KIAA1549L: variants seen among roughly 807,000 people sequenced by gnomAD.
The protein encoded by KIAA1549L is UPF0606 protein KIAA1549L.
Under a neutral mutation model 160.7 loss-of-function variants are expected in KIAA1549L, and 88 were observed. That is an observed-to-expected ratio of 0.55 (90% CI 0.46 to 0.65). KIAA1549L has a LOEUF of 0.65. KIAA1549L is among the 30% of genes least tolerant of loss of function. The probability of loss-of-function intolerance (pLI) is 0.00; values close to 1 mark genes in which losing one functional copy is unlikely to be tolerated. For synonymous variants in KIAA1549L, 950 were observed against 976.7 expected (o/e 0.97, Z 0.51); for missense variants, 2,258 against 2,437.5 (o/e 0.93, Z 1.55).
intron 1 of KIAA1549L, among the ~76,000 whole-genome samples, chr11:33,446,718 A>G (rs973997966): frequency 2.0e-5 from 3 of 151,976 alleles, no homozygotes; most frequent in Admixed American, 6.6e-5. Context: ...AAGATGGCTC[A>G]CTCATATGAC....
intron 1 of KIAA1549L, among the ~76,000 whole-genome samples, chr11:33,465,681 A>T (rs940984594): frequency 6.6e-6 from 1 of 152,216 alleles, no homozygotes; most frequent in Non-Finnish European, 1.5e-5. Context: ...GGCCTCAGAA[A>T]TAACACCACA....
chr11:33,417,661 T>G (rs1850915574), intron 1 of KIAA1549L, among the ~76,000 whole-genome samples: 2 of 152,200 alleles, frequency 1.3e-5, no homozygotes, highest in African/African-American at 4.8e-5. Flanking sequence ...ATCCTCGGGT[T>G]TCTGCTCAAA....
At chr11:33,389,322 G>C (rs1850229846) in intron 1 of KIAA1549L, among the ~76,000 whole-genome samples, 1 of 152,256 alleles carries the variant, frequency 6.6e-6, no homozygotes, top group South Asian at 2.1e-4. Flanking sequence ...AAAATGGGAA[G>C]TGTGAGAAGA....
Position 33,514,402 on chromosome 11 carries a change from G to T in KIAA1549L, c.239-27400G>T, listed in dbSNP as rs141203448. 3.0e-4 allele frequency among the ~76,000 whole-genome samples: 46 copies of T among 152,294 alleles called. No homozygotes were observed. The East Asian group carries it at 8.3e-3, about 27-fold the overall frequency. Reference sequence around the variant, plus strand: ...CACATTCTTTTTTGACGTCTACACTGACTCATGCTTGGTGACATCTCCACA... The same window carrying T: ...CACATTCTTTTTTGACGTCTACACTTACTCATGCTTGGTGACATCTCCACA... On this transcript the variant is annotated intron_variant, in intron 1 of 20. Transcript: ENST00000658780.
In KIAA1549L at chr11:33,435,840, A is replaced by ATATG. The variant is rs1180628815; in HGVS notation, c.238+58953_238+58956dup. On this transcript the variant is annotated intron_variant, in intron 1 of 20. Transcript: ENST00000658780. ...TGTGTATATATATATATGTATATGT[A>ATATG]TATGTGTGTGTGTGTGTGTGTGTAT... Among the ~76,000 whole-genome samples, 5 of 64,198 alleles carry ATATG rather than the reference A, an allele frequency of 7.8e-5. 2 individuals are homozygous for ATATG. Among genetic ancestry groups the ATATG allele is most frequent in the South Asian group, 5.0e-4 (1 of 1,984 alleles). 42.1% of individuals were successfully genotyped at this position (64,198 alleles called of 152,430 possible). A position where few individuals can be genotyped will look rare whatever the true frequency, so the allele number is the denominator to read the frequency against.
intron 8 of KIAA1549L, among the ~76,000 whole-genome samples, chr11:33,563,190 CA>C (rs1014766665): frequency 5.4e-5 from 8 of 149,416 alleles, no homozygotes; most frequent in Admixed American, 1.3e-4. Context: ...AGTAAAAATA[CA>C]AAAAAAAATT....
rs897706652 is a variant in KIAA1549L at position 33,407,645 on chromosome 11, T to A, written c.238+30756T>A. 9.2e-5 allele frequency among the ~76,000 whole-genome samples: 14 copies of A among 152,124 alleles called. No individual in the cohort carries two copies. In the East Asian group the frequency reaches 2.7e-3, roughly 29 times the overall value. On this transcript the variant is annotated intron_variant, in intron 1 of 20. Coordinates refer to ENST00000658780, the MANE Select transcript of KIAA1549L (RefSeq NM_012194.3). ...ATTATAGGCCTGAGCCACCGTGCCC[T>A]GCCCTAATCCTTTTAATTCCTTCAA...
At chr11:33,548,849 A>T (rs571516556) in intron 4 of KIAA1549L, among the ~76,000 whole-genome samples, 129 of 151,540 alleles carry the variant, frequency 8.5e-4, no homozygotes, top group African/African-American at 3.0e-3. Context: ...CTACAGCTGC[A>T]GTCAGCTTAC....
intron 1 of KIAA1549L, among the ~76,000 whole-genome samples, chr11:33,392,470 T>C (rs1850289795): frequency 6.6e-6 from 1 of 152,154 alleles, no homozygotes; most frequent in Non-Finnish European, 1.5e-5. Flanking sequence ...TTTTCTGAGG[T>C]AAATTTTACA....
intron 1 of KIAA1549L, among the ~76,000 whole-genome samples, chr11:33,435,794 A>ATGTGTGTGTGTGTG (rs1447364209): frequency 6.2e-5 from 2 of 32,354 alleles, no homozygotes; most frequent in East Asian, 1.2e-3. Flanking sequence ...ATATATATAT[A>ATGTGTGTGTGTGTG]TATATATATA....
At chr11:33,625,717 A>C (rs980123571) in intron 16 of KIAA1549L, among the ~76,000 whole-genome samples, 7 of 151,638 alleles carry the variant, frequency 4.6e-5, no homozygotes, top group Non-Finnish European at 8.8e-5. Flanking sequence ...TTGCCTGTTC[A>C]CTCTGATGGT....
intron 1 of KIAA1549L, among the ~76,000 whole-genome samples, chr11:33,532,397 T>A (rs1379729707): frequency 6.6e-6 from 1 of 152,180 alleles, no homozygotes; most frequent in Non-Finnish European, 1.5e-5. Context: ...ATGATAATAA[T>A]AACAGCAACA....
chr11:33,428,635 C>CT (rs1463088028), intron 1 of KIAA1549L, among the ~76,000 whole-genome samples: 3 of 152,112 alleles, frequency 2.0e-5, no homozygotes, highest in Non-Finnish European at 4.4e-5. Context: ...TTAACTCATC[C>CT]TTTTTTATGG....
intron 1 of KIAA1549L, among the ~76,000 whole-genome samples, chr11:33,504,075 A>T (rs1016304337): frequency 6.6e-6 from 1 of 152,092 alleles, no homozygotes; most frequent in East Asian, 1.9e-4. Context: ...GCCTGGCCAA[A>T]ATGGTGAAAC....
intron 16 of KIAA1549L, among the ~76,000 whole-genome samples, chr11:33,618,983 C>T (rs942997614): frequency 4.6e-5 from 7 of 152,130 alleles, no homozygotes; most frequent in African/African-American, 1.4e-4. Context: ...GCAGGGACCA[C>T]GGCCATGGGT....
At chr11:33,568,500 A>G (rs888456550) in intron 9 of KIAA1549L, among the ~76,000 whole-genome samples, 16 of 152,350 alleles carry the variant, frequency 1.1e-4, no homozygotes, top group Admixed American at 2.6e-4. Flanking sequence ...ACTCATGCAG[A>G]TATTTTTGAA....
intron 1 of KIAA1549L, among the ~76,000 whole-genome samples, chr11:33,515,859 C>G (rs1000393085): frequency 6.6e-6 from 1 of 152,174 alleles, no homozygotes; most frequent in Non-Finnish European, 1.5e-5. Flanking sequence ...AGGGAATCCT[C>G]TAGTTCTGGT....
At chr11:33,495,436 T>C (rs529908772) in intron 1 of KIAA1549L, among the ~76,000 whole-genome samples, 1 of 152,150 alleles carries the variant, frequency 6.6e-6, no homozygotes, top group African/African-American at 2.4e-5. Flanking sequence ...TTCATCCATG[T>C]CCCTACAAAG....
intron 1 of KIAA1549L, among the ~76,000 whole-genome samples, chr11:33,392,485 A>G (rs1850290095): frequency 6.6e-6 from 1 of 152,198 alleles, no homozygotes; most frequent in Admixed American, 6.5e-5. Context: ...TTTACATACA[A>G]TGAAATACAA....
Sources: gnomAD v4.1 joint callset for allele counts (sites outside exome capture counted in the v4.1 genomes callset) on GRCh38, gnomAD v4.1.1 for gene constraint, MANE v1.5 for transcripts, NCBI Gene and HGNC (gene_info 2026-07-23, HGNC 2026-07-21) for gene names.